CCDC192: variants seen among roughly 807,000 people sequenced by gnomAD.
CCDC192 encodes the protein coiled-coil domain containing 192, also known as coiled-coil domain-containing protein 192.
chr5:127,724,479 G>T (rs1206843074), intron 2 of CCDC192, among the ~76,000 whole-genome samples: 1 of 152,054 alleles, frequency 6.6e-6, no homozygotes, highest in African/African-American at 2.4e-5. Flanking sequence ...GTCTTCCATA[G>T]TACTTGCTTT....
chr5:127,763,637 G>A (rs1020160055), intron 3 of CCDC192, among the ~76,000 whole-genome samples: 12 of 151,952 alleles, frequency 7.9e-5, no homozygotes, highest in Middle Eastern at 3.2e-3. Context: ...TTTATGATCC[G>A]ACCACCTGCT....
intron 5 of CCDC192, among the ~76,000 whole-genome samples, chr5:127,809,507 TA>T (rs1484188697): frequency 1.3e-5 from 2 of 152,198 alleles, no homozygotes; most frequent in Admixed American, 1.3e-4. Context: ...GAATTTCATA[TA>T]GGGAATATTG....
rs544002719 is a variant in CCDC192, at chr5:127,763,542, C to G, written c.222+9167C>G. On this transcript the variant is annotated intron_variant, in intron 3 of 6. Coordinates refer to ENST00000514853, the MANE Select transcript of CCDC192 (RefSeq NM_001317938.2). Reference sequence around the variant, plus strand: ...AGAATGAAGGTTCTATAACAAAGATCTCATATTTCTCAACTTTAAATCTTA... The same window carrying G: ...AGAATGAAGGTTCTATAACAAAGATGTCATATTTCTCAACTTTAAATCTTA... Among the ~76,000 whole-genome samples, 9 of 152,224 alleles carry G rather than the reference C, an allele frequency of 5.9e-5. No homozygotes were observed. The East Asian group carries it at 1.4e-3, about 23-fold the overall frequency.
chr5:127,828,776 G>A (rs374558421), intron 5 of CCDC192, among the ~76,000 whole-genome samples: 19 of 152,102 alleles, frequency 1.2e-4, no homozygotes, highest in Non-Finnish European at 2.1e-4. Context: ...CAAGGAGAAG[G>A]GTATTATATT....
chr5:127,709,610 A>T (rs1242794318), intron 2 of CCDC192, among the ~76,000 whole-genome samples: 1 of 152,228 alleles, frequency 6.6e-6, no homozygotes, highest in Non-Finnish European at 1.5e-5. Flanking sequence ...CAAATTTATA[A>T]TAATTTTCAG....
chr5:127,753,870 T>C (rs796489930), intron 2 of CCDC192, among the ~76,000 whole-genome samples: 16 of 152,276 alleles, frequency 1.1e-4, no homozygotes, highest in African/African-American at 3.9e-4. Flanking sequence ...CTGAGTTCAG[T>C]TGACTCTGTT....
intron 3 of CCDC192, among the ~76,000 whole-genome samples, chr5:127,761,767 A>G (rs576379931): frequency 2.0e-5 from 3 of 152,250 alleles, no homozygotes; most frequent in South Asian, 4.2e-4. Flanking sequence ...CTTCAGGTAT[A>G]TTTATGTGTA....
intron 5 of CCDC192, among the ~76,000 whole-genome samples, chr5:127,843,706 A>G (rs183233807): frequency 6.2e-4 from 95 of 152,218 alleles, no homozygotes; most frequent in African/African-American, 2.2e-3. Context: ...CCAAAGTGCT[A>G]GAATTATAGG....
intron 5 of CCDC192, among the ~76,000 whole-genome samples, chr5:127,822,125 C>G (rs1354141747): frequency 1.3e-5 from 2 of 152,164 alleles, no homozygotes; most frequent in Non-Finnish European, 2.9e-5. Flanking sequence ...TTGGTAGGTC[C>G]CTGCCTTAGA....
chr5:127,831,393 C>G (rs1166237232), intron 5 of CCDC192, among the ~76,000 whole-genome samples: 2 of 151,412 alleles, frequency 1.3e-5, no homozygotes, highest in African/African-American at 2.4e-5. Context: ...TGTGTGTGTG[C>G]ATCTGTGTGT....
intron 5 of CCDC192, among the ~76,000 whole-genome samples, chr5:127,816,149 G>A (rs1214373425): frequency 6.6e-6 from 1 of 152,162 alleles, no homozygotes; most frequent in Non-Finnish European, 1.5e-5. Context: ...TCATGATTTG[G>A]AGTTAGTGTT....
At chr5:127,785,830 C>T (rs191504870) in intron 3 of CCDC192, 15 of 333,948 alleles carry the variant, frequency 4.5e-5, no homozygotes, top group South Asian at 1.4e-4. Context: ...TCTTGGTAAC[C>T]GCATTGTTGT....
chr5:127,893,569 G>A (rs1347544757), intron 6 of CCDC192, among the ~76,000 whole-genome samples: 5 of 152,252 alleles, frequency 3.3e-5, no homozygotes, highest in South Asian at 4.1e-4. Flanking sequence ...CTATAAACAC[G>A]TAGGCTTTTG....
intron 6 of CCDC192, among the ~76,000 whole-genome samples, chr5:127,888,906 G>T (rs1030981645): frequency 2.0e-5 from 3 of 152,126 alleles, no homozygotes; most frequent in African/African-American, 7.2e-5. Flanking sequence ...TTCCTTGTAA[G>T]TCCCAAGAGA....
intron 2 of CCDC192, among the ~76,000 whole-genome samples, chr5:127,729,584 A>G (rs573336413): frequency 4.1e-4 from 62 of 152,336 alleles, no homozygotes; most frequent in Admixed American, 8.5e-4. Context: ...TTCGGGTCAC[A>G]TGGCACTTAC....
chr5:127,796,867 G>A lies in CCDC192; in HGVS notation c.223-236G>A, dbSNP rs562741042. Among the ~76,000 whole-genome samples the A allele has an allele frequency of 7.9e-5, 12 of 152,266 alleles. No individual in the cohort carries two copies. The East Asian group carries it at 1.3e-3, about 17-fold the overall frequency. On this transcript the variant is annotated intron_variant, in intron 3 of 6. Coordinates refer to ENST00000514853, the MANE Select transcript of CCDC192 (RefSeq NM_001317938.2). ...TATTTCTAGTATTTCTATATTCTCC[G>A]TTGTAACTATGCGATTTCATCTCTT...
intron 2 of CCDC192, among the ~76,000 whole-genome samples, chr5:127,743,537 C>T (rs1013766630): frequency 1.3e-5 from 2 of 152,120 alleles, no homozygotes; most frequent in Non-Finnish European, 2.9e-5. Flanking sequence ...CCATGCCTTC[C>T]AGATTACAAG....
intron 6 of CCDC192, among the ~76,000 whole-genome samples, chr5:127,939,071 C>T (rs904254372): frequency 2.7e-5 from 4 of 149,100 alleles, no homozygotes; most frequent in African/African-American, 7.4e-5. Context: ...GCTGTTTTCC[C>T]GTTGCTTGTT....
chr5:127,843,029 G>GTTTTTTTT (rs11428874), intron 5 of CCDC192, among the ~76,000 whole-genome samples: 18 of 91,756 alleles, frequency 2.0e-4, no homozygotes, highest in Non-Finnish European at 2.6e-4. Flanking sequence ...TTTTAGTCAA[G>GTTTTTTTT]TTTTTTTTTT....
Sources: gnomAD v4.1 joint callset for allele counts (sites outside exome capture counted in the v4.1 genomes callset) on GRCh38, gnomAD v4.1.1 for gene constraint, MANE v1.5 for transcripts, NCBI Gene and HGNC (gene_info 2026-07-23, HGNC 2026-07-21) for gene names.